The following CCSER2 variants were observed in gnomAD, a reference collection of about 807,000 sequenced individuals.
CCSER2 encodes serine-rich coiled-coil domain-containing protein 2.
Under a neutral mutation model 92.3 loss-of-function variants are expected in CCSER2, and 46 were observed. That is an observed-to-expected ratio of 0.50 (90% confidence interval 0.39 to 0.64). CCSER2 has a LOEUF of 0.64. CCSER2 is among the 30% of genes least tolerant of loss of function. The pLI is 0.00. For missense variants in CCSER2, 1,244 were observed against 1,238.9 expected (o/e 1.00, Z -0.06); for synonymous variants, 433 against 431.4 (o/e 1.00, Z -0.04).
At chr10:84,492,280 CAAA>C (rs1293709141) in intron 9 of CCSER2, among the ~76,000 whole-genome samples, 5 of 93,952 alleles carry the variant, frequency 5.3e-5, no homozygotes, top group Non-Finnish European at 4.5e-5. Context: ...ACTCTGTCTC[CAAA>C]AAAAAAAAAA....
intron 3 of CCSER2, among the ~76,000 whole-genome samples, chr10:84,407,527 C>T (rs17103445): frequency 0.058 from 8,869 of 152,238 alleles, 369 homozygotes; most frequent in Admixed American, 0.1. Flanking sequence ...AGTCTAACTC[C>T]TCAGTGTGTT....
intron 1 of CCSER2, among the ~76,000 whole-genome samples, chr10:84,356,671 G>T (rs913662287): frequency 3.9e-5 from 6 of 152,236 alleles, no homozygotes; most frequent in Admixed American, 3.3e-4. Context: ...GAAGAGATCG[G>T]TTTCTTCATT....
chr10:84,457,253 ATATAAAATATATTATATAT>A (rs1564684232), intron 6 of CCSER2, among the ~76,000 whole-genome samples: 46 of 41,068 alleles, frequency 1.1e-3, no homozygotes, highest in Admixed American at 3.9e-3. Flanking sequence ...ATTATATATT[ATATAAAATATATTATATAT>A]AATATATTAT....
intron 6 of CCSER2, chr10:84,452,226 AAGTATCCATGT>A (rs1845335607): frequency 6.6e-6 from 1 of 152,136 alleles, no homozygotes; most frequent in South Asian, 2.1e-4. Flanking sequence ...TAGTCATTTC[AAGTATCCATGT>A]CCATTGCAGC....
chr10:84,385,343 C>T (rs1347625735), intron 3 of CCSER2, among the ~76,000 whole-genome samples: 3 of 152,134 alleles, frequency 2.0e-5, no homozygotes, highest in Non-Finnish European at 2.9e-5. Context: ...ATCACATTAC[C>T]TGACTTCAAA....
At chr10:84,397,384 A>G (rs1035356321) in intron 3 of CCSER2, among the ~76,000 whole-genome samples, 8 of 152,206 alleles carry the variant, frequency 5.3e-5, no homozygotes, top group Non-Finnish European at 1.2e-4. Context: ...CAAAAATGTG[A>G]TGGGGCTGTC....
chr10:84,394,782 C>A (rs1183621052), intron 3 of CCSER2, among the ~76,000 whole-genome samples: 6 of 152,008 alleles, frequency 3.9e-5, no homozygotes, highest in Non-Finnish European at 5.9e-5. Context: ...TCTTCATACA[C>A]CCCACCTATG....
intron 3 of CCSER2, chr10:84,392,079 G>A: frequency 4.6e-6 from 4 of 878,356 alleles, no homozygotes; most frequent in Non-Finnish European, 7.5e-6. Flanking sequence ...CAAAATTAGG[G>A]GTCCTTCAGT....
intron 1 of CCSER2, among the ~76,000 whole-genome samples, chr10:84,338,942 C>T (rs2132999827): frequency 6.6e-6 from 1 of 152,212 alleles, no homozygotes; most frequent in East Asian, 1.9e-4. Flanking sequence ...ATTACAGTTG[C>T]TTCTTAACCC....
chr10:84,455,662 A>T, intron 6 of CCSER2: 1 of 691,398 alleles, frequency 1.4e-6, no homozygotes, highest in South Asian at 1.4e-5. Context: ...GTTTCAGGAG[A>T]TTGTTCACAG....
At chr10:84,330,741 C>A (rs976074505) in intron 1 of CCSER2, among the ~76,000 whole-genome samples, 1 of 152,008 alleles carries the variant, frequency 6.6e-6, no homozygotes, top group Admixed American at 6.6e-5. Context: ...CTCCTGACCT[C>A]GTGATCCGCC....
At chr10:84,448,940 A>G (rs1198294254) in intron 6 of CCSER2, among the ~76,000 whole-genome samples, 1 of 152,218 alleles carries the variant, frequency 6.6e-6, no homozygotes. Flanking sequence ...AGTAGACTCC[A>G]TTCTACATAT....
chr10:84,436,312 C>T lies in CCSER2; in HGVS notation c.1869-2200C>T, dbSNP rs527630443. On this transcript the variant is annotated intron_variant, in intron 5 of 9. Coordinates refer to ENST00000372088, the MANE Select transcript of CCSER2 (RefSeq NM_001284240.2). ...CTGCACTCCAGCCTGGGCGACAGAG[C>T]GAGACTCCGTCTCAAAAAAAAAAAA... Among the ~76,000 whole-genome samples the T allele has an allele frequency of 3.4e-3, 329 of 95,412 alleles. 1 individual carries two copies. The highest frequency in any genetic ancestry group is 7.0e-3 in the Admixed American group (42 of 5,996). The allele number at this position is 95,412 out of a possible 152,430, so 62.6% of individuals were successfully genotyped here. A position where few individuals can be genotyped will look rare whatever the true frequency, so the allele number is the denominator to read the frequency against.
chr10:84,447,029 G>GT (rs537462619), intron 6 of CCSER2, among the ~76,000 whole-genome samples: 738 of 139,652 alleles, frequency 5.3e-3, no homozygotes, highest in Non-Finnish European at 6.0e-3. Context: ...TTTGTTTCCA[G>GT]TTTTTTTTTT....
intron 1 of CCSER2, among the ~76,000 whole-genome samples, chr10:84,330,695 G>GT (rs1262265470): frequency 6.6e-6 from 1 of 152,020 alleles, no homozygotes; most frequent in Non-Finnish European, 1.5e-5. Flanking sequence ...TTTTAGTAGA[G>GT]ACGGGTTTCA....
chr10:84,477,278 A>G (rs1477136779), intron 8 of CCSER2, among the ~76,000 whole-genome samples: 1 of 151,818 alleles, frequency 6.6e-6, no homozygotes, highest in African/African-American at 2.4e-5. Flanking sequence ...TCTCAAACCC[A>G]CTCCCTGAAT....
In CCSER2 at chr10:84,459,398, A is replaced by G. The variant is rs374398846; in HGVS notation, c.2065-4535A>G. 3.3e-5 allele frequency among the ~76,000 whole-genome samples: 5 copies of G among 151,912 alleles called. 1 individual carries two copies. The highest frequency in any genetic ancestry group is 3.9e-4 in the East Asian group (2 of 5,182). Reference sequence around the variant, plus strand: ...TTATTTCTTTTTCTTGCCTTATTGCACTGGATAGAAACTCCACTATGATAT... The same window carrying G: ...TTATTTCTTTTTCTTGCCTTATTGCGCTGGATAGAAACTCCACTATGATAT... On this transcript the variant is annotated intron_variant, in intron 6 of 9. Coordinates refer to ENST00000372088, the MANE Select transcript of CCSER2 (RefSeq NM_001284240.2).
intron 3 of CCSER2, chr10:84,391,474 G>A: frequency 5.7e-6 from 9 of 1,566,078 alleles, no homozygotes; most frequent in Non-Finnish European, 7.9e-6. Context: ...CTTGCTTTCA[G>A]CATGTTAAGC....
chr10:84,386,692 C>T (rs1207425693), intron 3 of CCSER2, among the ~76,000 whole-genome samples: 1 of 152,232 alleles, frequency 6.6e-6, no homozygotes, highest in Non-Finnish European at 1.5e-5. Flanking sequence ...GATTATGTCA[C>T]TGCACTCCAG....
Sources: allele counts gnomAD v4.1 joint callset (sites outside exome capture counted in the v4.1 genomes callset), GRCh38; gene constraint gnomAD v4.1.1; transcripts MANE v1.5; gene names NCBI Gene and HGNC (gene_info 2026-07-23, HGNC 2026-07-21).